Variants in DNAI2 observed in about 807,000 individuals in gnomAD.
The protein encoded by DNAI2 is dynein, axonemal, intermediate polypeptide 2.
DNAI2 carries 63 observed loss-of-function variants against 74.7 expected under a neutral mutation model. The observed-to-expected ratio is 0.84, with a 90% CI of 0.69 to 1.04. The LOEUF is 1.04. Among genes scored for constraint, DNAI2 ranks in the 50% least tolerant of loss-of-function variants. DNAI2 has a pLI of 0.00. For missense variants in DNAI2, 688 were observed against 803.2 expected (o/e 0.86, Z 1.73); for synonymous variants, 289 against 314.9 (o/e 0.92, Z 0.87).
At chr17:74,299,615 C>G in intron 6 of DNAI2, 103 bp from the exon 7 acceptor site, 1 of 1,502,264 alleles carries the variant, frequency 6.7e-7, no homozygotes, top group East Asian at 2.3e-5. Context: ...AAACCACATA[C>G]CTGCCAAACC....
chr17:74,311,899 G>A, intron 11 of DNAI2, 104 bp from the exon 12 acceptor site: 1 of 1,070,402 alleles, frequency 9.3e-7, no homozygotes. Context: ...GGACTGTATG[G>A]AGAGCAAGGA....
At chr17:74,298,129 G>A (rs2052556308) in intron 6 of DNAI2, among the ~76,000 whole-genome samples, 1 of 148,388 alleles carries the variant, frequency 6.7e-6, no homozygotes, top group African/African-American at 2.4e-5. Context: ...CCTTGACTCA[G>A]TCATTATTCA....
chr17:74,311,912 G>A, intron 11 of DNAI2, 91 bp from the exon 12 acceptor site: 2 of 1,233,806 alleles, frequency 1.6e-6, no homozygotes, highest in Non-Finnish European at 2.3e-6. Context: ...AGCAAGGAGA[G>A]CTCAGCAGAA....
chr17:74,307,761 T>C (rs2053272478), intron 9 of DNAI2, among the ~76,000 whole-genome samples: 1 of 152,100 alleles, frequency 6.6e-6, no homozygotes, highest in Non-Finnish European at 1.5e-5. Flanking sequence ...ATTTGGTATA[T>C]ACTTATACTA....
At position 74,299,698 on chromosome 17, in the gene DNAI2, T is replaced by G. The variant is rs763838321; in HGVS notation, c.725-20T>G. The G allele has an allele frequency of 6.2e-7, 1 of 1,613,128 alleles. No homozygotes were observed. The highest frequency in any genetic ancestry group is 1.1e-5 in the South Asian group (1 of 91,068). Reference sequence around the variant, plus strand: ...AGCCTGTGCCCCCTTCCACTCCTTCTTCATCTCCTTCCTCACCAGCCTGCT... The same window carrying G: ...AGCCTGTGCCCCCTTCCACTCCTTCGTCATCTCCTTCCTCACCAGCCTGCT... On this transcript the variant is annotated intron_variant, in intron 6 of 13. Transcript: ENST00000311014.
intron 6 of DNAI2, among the ~76,000 whole-genome samples, chr17:74,294,601 C>A (rs759932851): frequency 1.3e-5 from 2 of 152,184 alleles, no homozygotes; most frequent in African/African-American, 2.4e-5. Context: ...CAGGCGTGAG[C>A]CACCACACTC....
At chr17:74,303,666 C>T (rs529471578) in intron 8 of DNAI2, among the ~76,000 whole-genome samples, 18 of 151,002 alleles carry the variant, frequency 1.2e-4, no homozygotes, top group Non-Finnish European at 2.2e-4. Flanking sequence ...GATCTTGGCT[C>T]GCTGCAACCT....
intron 6 of DNAI2, among the ~76,000 whole-genome samples, chr17:74,291,600 G>T (rs868135358): frequency 4.4e-4 from 67 of 152,358 alleles, no homozygotes; most frequent in African/African-American, 1.5e-3. Context: ...GGTGAGGCAG[G>T]TTTGGCTGAC....
At chr17:74,314,304 G>A in intron 13 of DNAI2, 33 bp downstream of exon 13, 1 of 1,603,316 alleles carries the variant, frequency 6.2e-7, no homozygotes, top group Non-Finnish European at 8.5e-7. Context: ...GGGAGGCTGA[G>A]CTCCGCCTTA....
At chr17:74,301,713 C>T (rs566074810) in intron 8 of DNAI2, among the ~76,000 whole-genome samples, 3 of 151,816 alleles carry the variant, frequency 2.0e-5, no homozygotes, top group Admixed American at 2.0e-4. Flanking sequence ...GTGGCTCACG[C>T]CTGTAATCCC....
intron 11 of DNAI2, among the ~76,000 whole-genome samples, chr17:74,311,409 T>C (rs1598346025): frequency 6.6e-6 from 1 of 151,630 alleles, no homozygotes; most frequent in Non-Finnish European, 1.5e-5. Flanking sequence ...AGGTCGGGAG[T>C]TCGAGACCAG....
At chr17:74,275,195 G>A (rs1598252073) in intron 1 of DNAI2, among the ~76,000 whole-genome samples, 1 of 152,172 alleles carries the variant, frequency 6.6e-6, no homozygotes, top group Non-Finnish European at 1.5e-5. Context: ...TTCCGTCAAG[G>A]AGACCACAAG....
chr17:74,299,098 T>C (rs1399989823), intron 6 of DNAI2, among the ~76,000 whole-genome samples: 5 of 152,148 alleles, frequency 3.3e-5, no homozygotes, highest in African/African-American at 4.8e-5. Context: ...TGTGCATTCA[T>C]GGGAAAATGG....
At chr17:74,292,158 C>A (rs569096282) in intron 6 of DNAI2, among the ~76,000 whole-genome samples, 1 of 152,226 alleles carries the variant, frequency 6.6e-6, no homozygotes, top group African/African-American at 2.4e-5. Context: ...AGCCACCATG[C>A]CTGGCCGCTA....
At chr17:74,309,799 T>C in intron 10 of DNAI2, 1 of 672,346 alleles carries the variant, frequency 1.5e-6, no homozygotes, top group Non-Finnish European at 2.6e-6. Flanking sequence ...ACAGGGTGAC[T>C]GTGAGGCGGA....
intron 11 of DNAI2, among the ~76,000 whole-genome samples, chr17:74,311,361 C>A (rs973933313): frequency 6.6e-6 from 1 of 152,072 alleles, no homozygotes; most frequent in Non-Finnish European, 1.5e-5. Flanking sequence ...CGCCTGTAAT[C>A]CCAGCACTTT....
rs559081402 is a variant in DNAI2 at position 74,313,479 on chromosome 17, C to T, written c.1723-642C>T. 1.2e-4 allele frequency among the ~76,000 whole-genome samples: 18 copies of T among 152,326 alleles called. No homozygotes were observed. The South Asian group carries it at 1.9e-3, about 16-fold the overall frequency. On this transcript the variant is annotated intron_variant, in intron 12 of 13. Transcript: ENST00000311014. ...GCTCCTCCCACTCACCACTCCTGGC[C>T]TATCCAGCCCTGCAGAAGGCAAAGA...
At chr17:74,288,885 C>T (rs12937668) in intron 4 of DNAI2, among the ~76,000 whole-genome samples, 80,736 of 151,982 alleles carry the variant, frequency 0.53, 23,142 homozygotes, top group Non-Finnish European at 0.67. Context: ...GAGGGGAAGC[C>T]TGTGGACCTG....
chr17:74,314,765 C>A lies in DNAI2; in HGVS notation c.*232C>A, dbSNP rs903211121. 2.3e-4 allele frequency: 40 copies of A among 175,556 alleles called. No homozygotes were observed. Among genetic ancestry groups the A allele is most frequent in the African/African-American group, 9.2e-4 (39 of 42,528 alleles). 10.9% of individuals were successfully genotyped at this position (175,556 alleles called of 1,614,324 possible). A position where few individuals can be genotyped will look rare whatever the true frequency, so the allele number is the denominator to read the frequency against. ...CCCTGACCATTTGGACACATTGCCA[C>A]GACAGGAGCCTCCAAGTATGTGGGA... On this transcript the variant is annotated 3_prime_UTR_variant, in exon 14 of 14. Transcript: ENST00000311014.
Sources: allele counts gnomAD v4.1 joint callset (sites outside exome capture counted in the v4.1 genomes callset), GRCh38; gene constraint gnomAD v4.1.1; transcripts MANE v1.5; gene names NCBI Gene and HGNC (gene_info 2026-07-23, HGNC 2026-07-21).